STAB2: variants seen among roughly 807,000 people sequenced by gnomAD.
STAB2 encodes stabilin-2.
A neutral mutation model predicts 338.1 loss-of-function variants in STAB2; 288 were observed. The ratio of observed to expected loss-of-function variants is 0.85; its 90% CI spans 0.77 to 0.94. The LOEUF is 0.94. Ranked by LOEUF, STAB2 falls within the 40% of genes least tolerant of loss-of-function variation. STAB2 has a pLI of 0.00. For synonymous variants in STAB2, 1,202 were observed against 1,193.3 expected (o/e 1.01, Z -0.15); for missense variants, 3,141 against 3,210.1 (o/e 0.98, Z 0.52).
intron 46 of STAB2, 52 bp from the exon 47 acceptor site, chr12:103,727,215 C>T (rs1472326911): frequency 6.3e-7 from 1 of 1,594,652 alleles, no homozygotes; most frequent in Non-Finnish European, 8.6e-7. Context: ...TGAGCCCCGG[C>T]ATGTATTGAT....
intron 35 of STAB2, 41 bp from the exon 36 acceptor site, chr12:103,704,517 A>C: frequency 6.3e-7 from 1 of 1,597,840 alleles, no homozygotes; most frequent in South Asian, 1.1e-5. Context: ...TTCATTTTGT[A>C]TTAAAGTTAA....
chr12:103,666,044 A>G lies in STAB2; in HGVS notation c.2023-247A>G, dbSNP rs1875062895. Among the ~76,000 whole-genome samples the G allele has an allele frequency of 2.0e-5, 3 of 152,192 alleles. No individual in the cohort carries two copies. The South Asian group carries it at 6.2e-4, about 32-fold the overall frequency. Reference sequence around the variant, plus strand: ...AGGCTGGCTCTGAAAGAAGTAAAAAAGGGGGCTGCTCTGAGCAGGCTCAGT... The same window carrying G: ...AGGCTGGCTCTGAAAGAAGTAAAAAGGGGGGCTGCTCTGAGCAGGCTCAGT... On this transcript the variant is annotated intron_variant, in intron 18 of 68. Coordinates refer to ENST00000388887, the MANE Select transcript of STAB2 (RefSeq NM_017564.10).
chr12:103,625,374 T>A (rs703615), intron 5 of STAB2, among the ~76,000 whole-genome samples: 77,547 of 152,008 alleles, frequency 0.51, 20,210 homozygotes, highest in Non-Finnish European at 0.56. Flanking sequence ...AATTTTTTTT[T>A]TATACTTTAA....
chr12:103,712,365 A>T lies in STAB2; in HGVS notation c.4335-2A>T. Reference sequence around the variant, plus strand: ...AACCCCATTTGTCCTTCCTTGTTGCAGCTGCCTCACCAACTCAGATGGTAC... The same window carrying T: ...AACCCCATTTGTCCTTCCTTGTTGCTGCTGCCTCACCAACTCAGATGGTAC... On this transcript the variant is annotated splice_acceptor_variant, in intron 40 of 68. Coordinates refer to ENST00000388887, the MANE Select transcript of STAB2 (RefSeq NM_017564.10). LOFTEE classifies it high-confidence loss of function. The T allele has an allele frequency of 6.2e-7, 1 of 1,613,500 alleles. No homozygotes were observed.
chr12:103,698,760 C>T (rs76768535), intron 33 of STAB2, among the ~76,000 whole-genome samples: 3,287 of 152,266 alleles, frequency 0.022, 65 homozygotes, highest in Non-Finnish European at 0.036. Flanking sequence ...AGGTGAAAGG[C>T]AGGCTGGGGT....
intron 3 of STAB2, among the ~76,000 whole-genome samples, chr12:103,605,499 A>T (rs183340921): frequency 6.6e-6 from 1 of 151,962 alleles, no homozygotes; most frequent in Admixed American, 6.5e-5. Context: ...TTTTATAAGA[A>T]ATATGATTCA....
At chr12:103,638,795 G>C (rs570003148) in intron 8 of STAB2, among the ~76,000 whole-genome samples, 48 of 152,312 alleles carry the variant, frequency 3.2e-4, no homozygotes, top group South Asian at 4.1e-4. Flanking sequence ...TAGCACATTC[G>C]TCCATTGAGT....
At chr12:103,622,204 G>A in intron 5 of STAB2, 93 bp downstream of exon 5, 1 of 1,335,038 alleles carries the variant, frequency 7.5e-7, no homozygotes, top group South Asian at 1.3e-5. Flanking sequence ...GAATAGTTAT[G>A]TGTGATAAAA....
chr12:103,643,569 T>C (rs1873074977), intron 9 of STAB2, among the ~76,000 whole-genome samples: 1 of 152,054 alleles, frequency 6.6e-6, no homozygotes, highest in South Asian at 2.1e-4. Flanking sequence ...TATGAGAGAA[T>C]TTAGGGTCCA....
chr12:103,613,075 T>A (rs942117135), intron 3 of STAB2, among the ~76,000 whole-genome samples: 8 of 152,266 alleles, frequency 5.3e-5, no homozygotes, highest in Non-Finnish European at 1.2e-4. Context: ...TACCCGGCCG[T>A]GTGAGGTGTC....
chr12:103,766,189 A>G (rs1884948271), intron 68 of STAB2, 97 bp from the exon 69 acceptor site: 3 of 1,486,732 alleles, frequency 2.0e-6, no homozygotes, highest in Non-Finnish European at 2.8e-6. Context: ...CACAGTGCTC[A>G]GGGAGAGTCA....
chr12:103,624,764 C>G (rs1184537731), intron 5 of STAB2, among the ~76,000 whole-genome samples: 1 of 151,942 alleles, frequency 6.6e-6, no homozygotes, highest in East Asian at 1.9e-4. Flanking sequence ...ATGGTGAAAC[C>G]CCATCTCTAC....
At chr12:103,681,408 G>T (rs989341436) in intron 25 of STAB2, among the ~76,000 whole-genome samples, 4 of 152,092 alleles carry the variant, frequency 2.6e-5, no homozygotes, top group Non-Finnish European at 5.9e-5. Context: ...AGTTGTAGAG[G>T]CTGGAGGTCT....
chr12:103,673,627 G>A, intron 22 of STAB2, among the ~76,000 whole-genome samples: 1 of 152,222 alleles, frequency 6.6e-6, no homozygotes, highest in Non-Finnish European at 1.5e-5. Context: ...GGGATTACAG[G>A]CATGAGCCAC....
chr12:103,632,801 A>G (rs1475779662), intron 6 of STAB2, among the ~76,000 whole-genome samples: 1 of 152,128 alleles, frequency 6.6e-6, no homozygotes, highest in Non-Finnish European at 1.5e-5. Flanking sequence ...GCAAAACTTA[A>G]CATCGACCTG....
At chr12:103,681,613 CT>C (rs907234037) in intron 25 of STAB2, among the ~76,000 whole-genome samples, 1,144 of 92,798 alleles carry the variant, frequency 0.012, no homozygotes, top group African/African-American at 0.038. Flanking sequence ...TTCCCCCCTA[CT>C]TTTTTTTTTT....
At chr12:103,721,962 C>T (rs1433161604) in intron 44 of STAB2, among the ~76,000 whole-genome samples, 1 of 152,120 alleles carries the variant, frequency 6.6e-6, no homozygotes, top group Non-Finnish European at 1.5e-5. Flanking sequence ...ATAAGGATGG[C>T]TTAGGAGGAA....
chr12:103,751,632 G>A (rs1468830638), intron 60 of STAB2, among the ~76,000 whole-genome samples: 1 of 152,170 alleles, frequency 6.6e-6, no homozygotes, highest in African/African-American at 2.4e-5. Context: ...TGCACAGCTG[G>A]GACCAGCTGA....
At chr12:103,758,118 G>A in intron 63 of STAB2, 52 bp from the exon 64 acceptor site, 1 of 1,610,924 alleles carries the variant, frequency 6.2e-7, no homozygotes, top group Non-Finnish European at 8.5e-7. Context: ...CAGCCACCCA[G>A]GTCCCTGCAC....
Sources: allele counts gnomAD v4.1 joint callset (sites outside exome capture counted in the v4.1 genomes callset), GRCh38; gene constraint gnomAD v4.1.1; transcripts MANE v1.5; gene names NCBI Gene and HGNC (gene_info 2026-07-23, HGNC 2026-07-21).